Variants in NEBL observed in about 807,000 individuals in gnomAD.
NEBL encodes the protein nebulette, also known as LIM and SH3 protein 2.
NEBL carries 122 observed loss-of-function variants against 140.2 expected under a neutral mutation model. That is an observed-to-expected ratio of 0.87 (90% CI 0.75 to 1.01). NEBL has a LOEUF of 1.01. Among genes scored for constraint, NEBL ranks in the 50% least tolerant of loss-of-function variants. NEBL has a pLI of 0.00. For synonymous variants in NEBL, 436 were observed against 398.9 expected (o/e 1.09, Z -1.11); for missense variants, 1,365 against 1,231.3 (o/e 1.11, Z -1.62).
chr10:21,279,759 A>G (rs11012638), intron 1 of NEBL, among the ~76,000 whole-genome samples: 9,207 of 145,912 alleles, frequency 0.063, 821 homozygotes, highest in African/African-American at 0.21. Context: ...ATCCATATAA[A>G]AAAAAAAAAA....
chr10:21,169,067 A>AAAAAAAATATATAT (rs1554830679), intron 2 of NEBL, among the ~76,000 whole-genome samples: 4 of 23,072 alleles, frequency 1.7e-4, no homozygotes, highest in Non-Finnish European at 3.5e-4. Flanking sequence ...AAAAAAAAAA[A>AAAAAAAATATATAT]ATATATATAT....
intron 3 of NEBL, among the ~76,000 whole-genome samples, chr10:20,978,704 G>A (rs750337689): frequency 1.1e-4 from 16 of 151,618 alleles, no homozygotes; most frequent in South Asian, 6.2e-4. Context: ...GCAGTGAGCC[G>A]TGATTGTGCC....
intron 2 of NEBL, among the ~76,000 whole-genome samples, chr10:21,092,099 G>A (rs1247598730): frequency 6.6e-6 from 1 of 152,226 alleles, no homozygotes; most frequent in Non-Finnish European, 1.5e-5. Flanking sequence ...TAATGGAAGA[G>A]TTCTGTTCTC....
At chr10:21,136,664 T>C (rs1839369836) in intron 2 of NEBL, among the ~76,000 whole-genome samples, 1 of 152,198 alleles carries the variant, frequency 6.6e-6, no homozygotes, top group Non-Finnish European at 1.5e-5. Context: ...CTCTATGCTT[T>C]CTACCCTACG....
chr10:21,115,009 T>C (rs1331959240), intron 2 of NEBL, among the ~76,000 whole-genome samples: 2 of 152,056 alleles, frequency 1.3e-5, no homozygotes, highest in Non-Finnish European at 2.9e-5. Flanking sequence ...TTTAATTAAG[T>C]GTTTTTTATG....
intron 2 of NEBL, among the ~76,000 whole-genome samples, chr10:21,083,794 A>G (rs1011499714): frequency 2.6e-5 from 4 of 152,172 alleles, no homozygotes; most frequent in Admixed American, 6.5e-5. Context: ...GCAGTGAGCC[A>G]TGATTGTGCC....
At chr10:20,971,975 G>A (rs1255334043) in intron 3 of NEBL, among the ~76,000 whole-genome samples, 4 of 152,166 alleles carry the variant, frequency 2.6e-5, no homozygotes, top group Non-Finnish European at 4.4e-5. Context: ...TTAAAATAAG[G>A]AGAGAATAAG....
intron 2 of NEBL, among the ~76,000 whole-genome samples, chr10:21,062,559 C>T (rs1259657934): frequency 6.6e-6 from 1 of 151,930 alleles, no homozygotes; most frequent in African/African-American, 2.4e-5. Context: ...TAGTTGTGTG[C>T]ACCTGTGGTC....
chr10:21,120,552 C>T (rs1224149339), intron 2 of NEBL, among the ~76,000 whole-genome samples: 1 of 149,684 alleles, frequency 6.7e-6, no homozygotes, highest in Non-Finnish European at 1.5e-5. Flanking sequence ...CTGATTTTAG[C>T]ACCTGCTGGC....
At chr10:20,988,676 A>G (rs1006086743) in intron 3 of NEBL, among the ~76,000 whole-genome samples, 2 of 152,174 alleles carry the variant, frequency 1.3e-5, no homozygotes, top group Non-Finnish European at 2.9e-5. Flanking sequence ...CTGCTACTCT[A>G]TAGCAAAAAC....
intron 3 of NEBL, among the ~76,000 whole-genome samples, chr10:21,016,542 TTTTC>T (rs1838564521): frequency 6.6e-6 from 1 of 152,224 alleles, no homozygotes; most frequent in Non-Finnish European, 1.5e-5. Context: ...TATATTTCGA[TTTTC>T]TTTATTTTTG....
intron 18 of NEBL, 39 bp from the exon 19 acceptor site, chr10:20,823,339 A>G (rs1424583535): frequency 4.3e-6 from 6 of 1,401,188 alleles, no homozygotes; most frequent in Non-Finnish European, 6.0e-6. Flanking sequence ...ACTTTATTCT[A>G]TGCAAGGCTT....
At chr10:21,049,428 C>T (rs568377145) in intron 2 of NEBL, among the ~76,000 whole-genome samples, 1 of 151,634 alleles carries the variant, frequency 6.6e-6, no homozygotes, top group Non-Finnish European at 1.5e-5. Flanking sequence ...TTTATTCTAA[C>T]CAAGCTCATA....
chr10:21,131,575 G>A (rs1399589975), intron 2 of NEBL, among the ~76,000 whole-genome samples: 2 of 152,100 alleles, frequency 1.3e-5, no homozygotes, highest in Non-Finnish European at 2.9e-5. Context: ...AAAAGCACAG[G>A]ACTGCAGAAA....
intron 2 of NEBL, among the ~76,000 whole-genome samples, chr10:21,068,567 C>T (rs2131897285): frequency 6.6e-6 from 1 of 152,296 alleles, no homozygotes; most frequent in East Asian, 1.9e-4. Context: ...AAAGAAGCTA[C>T]CTAGAGAAGA....
intron 2 of NEBL, among the ~76,000 whole-genome samples, chr10:21,051,556 A>C (rs1834780651): frequency 6.6e-6 from 1 of 152,250 alleles, no homozygotes; most frequent in Admixed American, 6.5e-5. Flanking sequence ...ACTGCAAGTA[A>C]TCAACTAAAC....
intron 2 of NEBL, among the ~76,000 whole-genome samples, chr10:21,095,959 A>G (rs907818189): frequency 6.6e-6 from 1 of 152,208 alleles, no homozygotes; most frequent in East Asian, 1.9e-4. Flanking sequence ...GCAGCTTCCT[A>G]GTCAGTAAAA....
intron 12 of NEBL, chr10:20,841,530 C>A (rs1262347053): frequency 6.6e-6 from 1 of 152,296 alleles, no homozygotes; most frequent in Admixed American, 6.6e-5. Context: ...CTGATGGAAT[C>A]TATGGCTCAA....
intron 2 of NEBL, among the ~76,000 whole-genome samples, chr10:21,148,563 G>A (rs1564527719): frequency 6.6e-6 from 1 of 152,088 alleles, no homozygotes; most frequent in Non-Finnish European, 1.5e-5. Context: ...GTCTCACTCT[G>A]TTGCCGGGCT....
Sources: allele counts gnomAD v4.1 joint callset (sites outside exome capture counted in the v4.1 genomes callset), GRCh38; gene constraint gnomAD v4.1.1; transcripts MANE v1.5; gene names NCBI Gene and HGNC (gene_info 2026-07-23, HGNC 2026-07-21).